NLRP13: variants seen among roughly 807,000 people sequenced by gnomAD.
NLRP13 encodes the protein NACHT, LRR and PYD domains-containing protein 13.
In NLRP13, 82 loss-of-function variants were observed where a neutral mutation model predicts 94.4. That is an observed-to-expected ratio of 0.87 (90% confidence interval 0.73 to 1.04). NLRP13 has a LOEUF of 1.04. Among genes scored for constraint, NLRP13 ranks in the 50% least tolerant of loss-of-function variants. NLRP13 has a pLI of 0.00. For missense variants in NLRP13, 1,426 were observed against 1,230.8 expected, an observed-to-expected ratio of 1.16 and a Z score of -2.37; for synonymous variants, 553 against 464.7, an observed-to-expected ratio of 1.19 and a Z score of -2.45.
rs745840702 is a variant in NLRP13 at position 55,912,296 on chromosome 19, G to A, written c.1521C>T (p.Gly507=). The change falls in exon 5 of 11, where the codon GGC becomes GGT. Residue 507 remains glycine, a synonymous_variant. Transcript: ENST00000342929. ...GAGAATCAATGAAAGGCACTTCCAG[G>A]CCCTCGATCTCAGTGTCTTCTTTGT... The part of the protein sequence containing the change: ...TFNKEDTEIE[G]LEVPFIDSLY... 1 of 1,613,916 alleles carries A rather than the reference G, an allele frequency of 6.2e-7. No individual in the cohort carries two copies. The highest frequency in any genetic ancestry group is 1.3e-5 in the African/African-American group (1 of 74,904).
rs377599323 is a variant in NLRP13, at chr19:55,905,033, A to G, written c.2527T>C (p.Leu843=). ...FLTSIQHVTR[L]CLGFNRLQDD... is the part of the protein sequence containing the mutation. ...TGGAGCCGATTAAATCCCAGGCACA[A>G]TCGAGTTACGTGTTGGATGCTGGTG... Residue 843 remains leucine (L), a synonymous_variant, in exon 8 of 11, where the codon TTG becomes CTG. Transcript: ENST00000342929. 1.9e-6 allele frequency: 3 copies of G among 1,613,756 alleles called. No individual in the cohort carries two copies. Among genetic ancestry groups the G allele is most frequent in the African/African-American group, 2.7e-5 (2 of 74,808 alleles).
At chr19:55,915,131 C>A (rs1223630185) in intron 4 of NLRP13, among the ~76,000 whole-genome samples, 1 of 152,164 alleles carries the variant, frequency 6.6e-6, no homozygotes, top group African/African-American at 2.4e-5. Flanking sequence ...CTGTGATGTA[C>A]TGCATAGCAA....
At chr19:55,900,152 C>A (rs977738117) in intron 9 of NLRP13, among the ~76,000 whole-genome samples, 3 of 151,922 alleles carry the variant, frequency 2.0e-5, no homozygotes, top group African/African-American at 7.3e-5. Context: ...AAAACATATA[C>A]AGATGGTAAA....
intron 4 of NLRP13, among the ~76,000 whole-genome samples, chr19:55,920,950 A>C (rs1333923744): frequency 6.6e-6 from 1 of 152,190 alleles, no homozygotes; most frequent in East Asian, 1.9e-4. Flanking sequence ...CATAAAAGAT[A>C]ATATATCTTA....
chr19:55,893,058 A>C (rs1411953768), downstream of NLRP13, among the ~76,000 whole-genome samples: 1 of 152,158 alleles, frequency 6.6e-6, no homozygotes, highest in Non-Finnish European at 1.5e-5. Flanking sequence ...AAAGCATAAT[A>C]AAGGTTTAGA....
At chr19:55,919,282 T>C (rs896007166) in intron 4 of NLRP13, among the ~76,000 whole-genome samples, 48 of 152,186 alleles carry the variant, frequency 3.2e-4, no homozygotes, top group African/African-American at 1.1e-3. Flanking sequence ...TGGGAAACAG[T>C]TGAAAGCATT....
chr19:55,922,252 C>G (rs906671809), intron 4 of NLRP13, among the ~76,000 whole-genome samples: 2 of 152,078 alleles, frequency 1.3e-5, no homozygotes, highest in African/African-American at 4.8e-5. Flanking sequence ...GATGAGATTT[C>G]GGTGGAGACA....
chr19:55,910,379 C>A (rs545487815), intron 6 of NLRP13, among the ~76,000 whole-genome samples, 184 bp downstream of exon 6: 1 of 152,132 alleles, frequency 6.6e-6, no homozygotes, highest in Non-Finnish European at 1.5e-5. Context: ...CTTGATAGAT[C>A]GGCATTTTAA....
At chr19:55,893,777 G>A (rs1055037900), downstream of NLRP13, among the ~76,000 whole-genome samples, 1 of 152,186 alleles carries the variant, frequency 6.6e-6, no homozygotes, top group African/African-American at 2.4e-5. Context: ...TCTACAAGAG[G>A]AGGCGAGGGT....
At chr19:55,892,158 A>G, downstream of NLRP13, 1 of 1,230,128 alleles carries the variant, frequency 8.1e-7, no homozygotes. Flanking sequence ...AGAAGCAGTG[A>G]AGAAGTTTAG....
At chr19:55,930,185 C>G (rs572139265) in intron 1 of NLRP13, among the ~76,000 whole-genome samples, 127 of 152,284 alleles carry the variant, frequency 8.3e-4, no homozygotes, top group African/African-American at 3.0e-3. Context: ...GTAGGAGAAG[C>G]TGTACAAGGT....
downstream of NLRP13, among the ~76,000 whole-genome samples, chr19:55,895,500 C>T (rs765199187): frequency 1.3e-4 from 19 of 151,980 alleles, no homozygotes; most frequent in Non-Finnish European, 2.4e-4. Flanking sequence ...CTGGCCACTA[C>T]GGTGAAACCC....
At chr19:55,928,244 T>C (rs931180374) in intron 1 of NLRP13, among the ~76,000 whole-genome samples, 1 of 152,184 alleles carries the variant, frequency 6.6e-6, no homozygotes, top group African/African-American at 2.4e-5. Flanking sequence ...GCAGGAAGTT[T>C]ATGCCGCCAT....
intron 8 of NLRP13, among the ~76,000 whole-genome samples, 199 bp from the exon 9 acceptor site, chr19:55,902,404 A>G (rs1986212794): frequency 6.6e-6 from 1 of 152,148 alleles, no homozygotes; most frequent in Non-Finnish European, 1.5e-5. Context: ...CCAGATTTCT[A>G]CAGTGAGTAC....
intron 5 of NLRP13, 86 bp downstream of exon 5, chr19:55,911,620 C>T: frequency 7.9e-7 from 1 of 1,273,030 alleles, no homozygotes; most frequent in Non-Finnish European, 1.1e-6. Context: ...ATAACGACAA[C>T]ACATCCCTGG....
At position 55,912,499 on chromosome 19, in the gene NLRP13, C is replaced by A. The variant is rs1457029235; in HGVS notation, c.1318G>T (p.Val440Leu). 9 of 1,614,156 alleles carry A rather than the reference C, an allele frequency of 5.6e-6. No homozygotes were observed. Among genetic ancestry groups the A allele is most frequent in the Non-Finnish European group, 7.6e-6 (9 of 1,180,002 alleles). Residue 440 changes from valine to leucine, a missense_variant, in exon 5 of 11, where the codon GTG (valine) becomes TTG (leucine). Transcript: ENST00000342929. Reference protein sequence around the residue: ...TVCSCLKQPKVRYYDLQSITQ... With the variant: ...TVCSCLKQPKLRYYDLQSITQ... ...ATTGACTGGAGATCGTAATACCTCA[C>A]CTTCGGCTGCTTCAGACAGGAACAT...
rs1258202351 is a variant in NLRP13 at position 55,896,065 on chromosome 19, G to C, written c.3012C>G (p.Leu1004=). 3 of 1,614,174 alleles carry C rather than the reference G, an allele frequency of 1.9e-6. No homozygotes were observed. Among genetic ancestry groups the C allele is most frequent in the Non-Finnish European group, 2.5e-6 (3 of 1,180,014 alleles). ...TACCQHLFSV[L]SSSKSLVNLN... ...GATTGACCAGGCTCTTACTGCTGCT[G>C]AGAACAGAGAAGAGATGCTGGCAGC... Residue 1004 remains leucine, a synonymous_variant, in exon 11 of 11, where the codon CTC becomes CTG. Transcript: ENST00000342929.
At chr19:55,928,366 C>T (rs1987021454) in intron 1 of NLRP13, among the ~76,000 whole-genome samples, 2 of 152,090 alleles carry the variant, frequency 1.3e-5, no homozygotes, top group South Asian at 4.1e-4. Context: ...CTCATGTACC[C>T]CATAAATATA....
rs148071195 is a variant in NLRP13 at position 55,902,191 on chromosome 19, T to C, written c.2633A>G (p.Gln878Arg). Residue 878 changes from glutamine (Q) to arginine (R), a missense_variant, in exon 9 of 11, where the codon CAG (glutamine) becomes CGG (arginine). Physicochemically the swap from Gln to Arg is conservative, Grantham distance 43. Coordinates refer to ENST00000342929, the MANE Select transcript of NLRP13 (RefSeq NM_176810.2). ...ALERLELWFCQLAAPACKHLS... is the reference protein window; with the variant it reads ...ALERLELWFCRLAAPACKHLS... The stretch of plus-strand genomic sequence containing the variant: ...GTGCTTGCAAGCGGGTGCTGCCAGC[T>C]GGCAAAACCAGAGCCTGCAGGGTGA... The C allele has an allele frequency of 1.5e-4, 236 of 1,613,618 alleles. 1 individual carries two copies. Among genetic ancestry groups the C allele is most frequent in the Non-Finnish European group, 1.9e-4 (224 of 1,179,898 alleles).
Sources: allele counts gnomAD v4.1 joint callset (sites outside exome capture counted in the v4.1 genomes callset), GRCh38; gene constraint gnomAD v4.1.1; transcripts MANE v1.5; gene names NCBI Gene and HGNC (gene_info 2026-07-23, HGNC 2026-07-21).